RANBP2: variants seen among roughly 807,000 people sequenced by gnomAD.
RANBP2 encodes E3 SUMO-protein ligase RanBP2.
In RANBP2, 57 loss-of-function variants were observed where a neutral mutation model predicts 303.6. The ratio of observed to expected loss-of-function variants is 0.19; its 90% CI spans 0.15 to 0.23. The LOEUF (loss-of-function observed/expected upper bound fraction) is 0.23, where lower values mean the gene tolerates loss of function less well. Ranked by LOEUF, RANBP2 falls within the 10% of genes least tolerant of loss-of-function variation. The pLI is 1.00. For missense variants in RANBP2, 3,138 were observed against 3,780.8 expected (o/e 0.83, Z 4.46); for synonymous variants, 1,167 against 1,301.5 (o/e 0.90, Z 2.23).
the RANBP2 span, chr2:108,846,748 T>C: frequency 2.8e-4 from 446 of 1,608,070 alleles, 2 homozygotes; most frequent in Middle Eastern, 0.012. Context: ...CACTCGACTA[T>C]GACATCAACA....
the RANBP2 span, chr2:109,585,375 A>T: frequency 7.1e-7 from 1 of 1,409,644 alleles, no homozygotes; most frequent in East Asian, 2.3e-5. Context: ...GAAAAGAAAT[A>T]CAACTGTAAA....
the RANBP2 span, among the ~76,000 whole-genome samples, chr2:109,608,130 T>C: frequency 6.6e-6 from 1 of 152,226 alleles, no homozygotes; most frequent in Admixed American, 6.5e-5. Flanking sequence ...AGCTTTTTAT[T>C]TTAATTTTCA....
rs762456750 is a variant in RANBP2, at chr2:108,767,383, G to A, written c.6844G>A (p.Ala2282Thr). Residue 2282 changes from alanine (A) to threonine (T), a missense_variant, in exon 20 of 29, where the codon GCC becomes ACC. Physicochemically the swap from Ala to Thr is moderately conservative, Grantham distance 58. Transcript: ENST00000283195. ...KSALSPSKSP[A>T]KLNQSGTSVG... The stretch of plus-strand genomic sequence containing the variant: ...TGCTTTGAGTCCATCTAAGTCTCCT[G>A]CCAAGTTGAATCAGAGTGGGACTTC... 1.2e-6 allele frequency: 2 copies of A among 1,611,952 alleles called. No homozygotes were observed. Among genetic ancestry groups the A allele is most frequent in the African/African-American group, 1.3e-5 (1 of 74,952 alleles).
At chr2:109,376,660 C>T in the RANBP2 span, among the ~76,000 whole-genome samples, 3 of 152,154 alleles carry the variant, frequency 2.0e-5, no homozygotes, top group Non-Finnish European at 2.9e-5. Flanking sequence ...TGAAAAAGAC[C>T]CCCCAGAGAT....
chr2:109,644,819 G>A, the RANBP2 span, among the ~76,000 whole-genome samples: 5 of 152,070 alleles, frequency 3.3e-5, no homozygotes, highest in African/African-American at 4.8e-5. Context: ...GCCTCCCCCC[G>A]GCTGCTTGTC....
chr2:109,257,402 G>A, the RANBP2 span, among the ~76,000 whole-genome samples: 7 of 151,824 alleles, frequency 4.6e-5, no homozygotes, highest in South Asian at 2.1e-4. Flanking sequence ...AGGAGGGAGA[G>A]GAAGGGAAGG....
the RANBP2 span, among the ~76,000 whole-genome samples, chr2:109,457,903 G>A: frequency 3.3e-5 from 5 of 152,254 alleles, no homozygotes; most frequent in East Asian, 1.9e-4. Flanking sequence ...TCAGCATGGC[G>A]GGGCATCTCT....
At chr2:108,896,915 C>T in the RANBP2 span, 3 of 1,611,766 alleles carry the variant, frequency 1.9e-6, no homozygotes, top group Non-Finnish European at 2.5e-6. Flanking sequence ...TTTCAGGATG[C>T]AGCATGTGGC....
the RANBP2 span, among the ~76,000 whole-genome samples, chr2:109,693,406 G>A: frequency 3.3e-5 from 5 of 152,036 alleles, no homozygotes; most frequent in South Asian, 2.1e-4. Flanking sequence ...TGATCCACCC[G>A]CTTCGGCCTC....
the RANBP2 span, chr2:108,930,217 G>A: frequency 3.0e-5 from 49 of 1,614,088 alleles, no homozygotes; most frequent in Non-Finnish European, 3.4e-5. Context: ...TGAGTATTCC[G>A]CTCGGGCTGA....
At chr2:109,702,546 A>G in the RANBP2 span, among the ~76,000 whole-genome samples, 1 of 152,160 alleles carries the variant, frequency 6.6e-6, no homozygotes, top group Non-Finnish European at 1.5e-5. Flanking sequence ...TCTGGGCACC[A>G]CCCTGTCTAC....
chr2:108,811,243 C>CTTTTT, the RANBP2 span, among the ~76,000 whole-genome samples: 2 of 28,700 alleles, frequency 7.0e-5, no homozygotes, highest in African/African-American at 2.9e-4. Context: ...TTCTTTCTCT[C>CTTTTT]TCTCTTTTTT....
the RANBP2 span, among the ~76,000 whole-genome samples, chr2:108,945,273 A>T: frequency 6.6e-6 from 1 of 152,094 alleles, no homozygotes; most frequent in African/African-American, 2.4e-5. Flanking sequence ...CCAAGCATGT[A>T]ATCTTTAAAG....
At chr2:108,761,734 T>G (rs1357115929) in intron 18 of RANBP2, among the ~76,000 whole-genome samples, 2 of 152,256 alleles carry the variant, frequency 1.3e-5, no homozygotes, top group East Asian at 1.9e-4. Flanking sequence ...GACCATCAGA[T>G]GGCATCTTGG....
chr2:109,420,924 A>C, the RANBP2 span, among the ~76,000 whole-genome samples: 1 of 152,138 alleles, frequency 6.6e-6, no homozygotes, highest in Non-Finnish European at 1.5e-5. Flanking sequence ...TAATTAACCA[A>C]TGTAATGAAA....
chr2:109,535,761 G>A, the RANBP2 span, among the ~76,000 whole-genome samples: 1 of 152,166 alleles, frequency 6.6e-6, no homozygotes, highest in Non-Finnish European at 1.5e-5. Flanking sequence ...ATTAGCATAG[G>A]TATGTGGCAG....
At chr2:108,923,616 G>A in the RANBP2 span, among the ~76,000 whole-genome samples, 1 of 152,244 alleles carries the variant, frequency 6.6e-6, no homozygotes, top group African/African-American at 2.4e-5. Context: ...TTTCCTTGGG[G>A]TTTCAGCCTG....
chr2:108,851,426 C>T, the RANBP2 span, among the ~76,000 whole-genome samples: 1 of 152,028 alleles, frequency 6.6e-6, no homozygotes, highest in Non-Finnish European at 1.5e-5. Flanking sequence ...CTCAGCCTCC[C>T]GAGTAGCTGG....
At chr2:109,626,856 TG>T in the RANBP2 span, among the ~76,000 whole-genome samples, 12 of 152,212 alleles carry the variant, frequency 7.9e-5, no homozygotes, top group African/African-American at 2.9e-4. Flanking sequence ...GGGCCTTTCC[TG>T]GGCAGGGGAG....
Sources: gnomAD v4.1 joint callset for allele counts (sites outside exome capture counted in the v4.1 genomes callset) on GRCh38, gnomAD v4.1.1 for gene constraint, MANE v1.5 for transcripts, NCBI Gene and HGNC (gene_info 2026-07-23, HGNC 2026-07-21) for gene names.